The following CACNA1H variants were observed in gnomAD, a reference collection of about 807,000 sequenced individuals.
The protein encoded by CACNA1H is calcium voltage-gated channel subunit alpha1 H.
In CACNA1H, 149 loss-of-function variants were observed where a neutral mutation model predicts 192.5. The observed-to-expected ratio is 0.77, with a 90% CI of 0.68 to 0.89. The LOEUF is 0.89. Ranked by LOEUF, CACNA1H falls within the 40% of genes least tolerant of loss-of-function variation. The pLI is 0.00. For missense variants in CACNA1H, 4,257 were observed against 3,423.5 expected, an observed-to-expected ratio of 1.24 and a Z score of -6.08; for synonymous variants, 2,202 against 1,475.2, an observed-to-expected ratio of 1.49 and a Z score of -11.29.
Position 1,210,354 on chromosome 16 carries a change from GCCCCCGCCCA to G in CACNA1H, c.3846-12_3846-3del. The G allele has an allele frequency of 6.5e-6, 1 of 153,640 alleles. No individual in the cohort carries two copies. The highest frequency in any genetic ancestry group is 1.1e-5 in the Non-Finnish European group (1 of 89,578). The allele number at this position is 153,640 out of a possible 1,614,324, so 9.5% of individuals were successfully genotyped here. ...CGCCGCCCCGCCCCACCTCTCACCC[GCCCCCGCCCA>G]CCCAGGTTCCGCGTCTCCTGCCAGA... On this transcript the variant is annotated splice_polypyrimidine_tract_variant and splice_region_variant and intron_variant, in intron 18 of 34. Coordinates refer to ENST00000348261, the MANE Select transcript of CACNA1H (RefSeq NM_021098.3).
chr16:1,155,264 C>T (rs909553145), intron 2 of CACNA1H, among the ~76,000 whole-genome samples: 8 of 152,204 alleles, frequency 5.3e-5, no homozygotes, highest in South Asian at 2.1e-4. Context: ...AGGGCTGCCT[C>T]GGAGCCCCAC....
At chr16:1,186,212 G>A (rs572351971) in intron 2 of CACNA1H, among the ~76,000 whole-genome samples, 2 of 152,038 alleles carry the variant, frequency 1.3e-5, no homozygotes, top group South Asian at 2.1e-4. Flanking sequence ...TACCGTGCTG[G>A]TCCTCCCAGG....
Position 1,204,124 on chromosome 16 carries a change from C to T in CACNA1H, c.2117C>T (p.Ala706Val), listed in dbSNP as rs1182050304. The change falls in exon 10 of 35, where the codon GCC (alanine) becomes GTC (valine). Residue 706 changes from alanine to valine, a missense_variant. By Grantham distance (64) the Ala-to-Val change is moderately conservative. Coordinates refer to ENST00000348261, the MANE Select transcript of CACNA1H (RefSeq NM_021098.3). ...AAGAGCTGCCCGTACTGCACCCGTG[C>T]CCTGGAGGACCCGGAGGGTGAGCTC... The part of the protein sequence containing the change: ...ELKSCPYCTR[A>V]LEDPEGELSG... 5.6e-6 allele frequency: 9 copies of T among 1,612,152 alleles called. No homozygotes were observed. Among genetic ancestry groups the T allele is most frequent in the East Asian group, 4.5e-5 (2 of 44,888 alleles).
At position 1,220,105 on chromosome 16, in the gene CACNA1H, C is replaced by T. The variant is rs1970363712; in HGVS notation, c.6173C>T (p.Pro2058Leu). 4 of 1,487,670 alleles carry T rather than the reference C, an allele frequency of 2.7e-6. No homozygotes were observed. Among genetic ancestry groups the T allele is most frequent in the Middle Eastern group, 1.8e-4 (1 of 5,630 alleles). 92.2% of individuals were successfully genotyped at this position (1,487,670 alleles called of 1,614,324 possible). A position where few individuals can be genotyped will look rare whatever the true frequency, so the allele number is the denominator to read the frequency against. Residue 2058 changes from proline to leucine, a missense_variant, in exon 35 of 35, where the codon CCA (proline) becomes CTA (leucine). Transcript: ENST00000348261. ...PVTQGGSLQS[P>L]PRSPRPASVR... is the part of the protein sequence containing the mutation. ...ACCCAGGGGGGCTCCCTGCAGTCCC[C>T]ACCACGCTCCCCACGGCCCGCCAGC...
intron 2 of CACNA1H, among the ~76,000 whole-genome samples, chr16:1,194,080 G>T (rs1042589663): frequency 1.3e-5 from 2 of 152,082 alleles, no homozygotes; most frequent in African/African-American, 4.8e-5. Context: ...AGCCGTGGGC[G>T]CTGAGGCCTG....
In CACNA1H at chr16:1,220,436, G is replaced by T; in HGVS notation, c.6504G>T (p.Ala2168=). ...TGGGCAGCGGGGAGCCTGGGGAGGC[G>T]AAGGCCTGGGGCCCTGAGGCCGAGC... The part of the protein sequence containing the change: ...AELGSGEPGE[A]KAWGPEAEPA... The change falls in exon 35 of 35, where the codon GCG becomes GCT. Residue 2168 remains alanine, a synonymous_variant. Coordinates refer to ENST00000348261, the MANE Select transcript of CACNA1H (RefSeq NM_021098.3). 1 of 1,536,538 alleles carries T rather than the reference G, an allele frequency of 6.5e-7. No individual in the cohort carries two copies. Among genetic ancestry groups the T allele is most frequent in the Non-Finnish European group, 8.7e-7 (1 of 1,150,390 alleles).
intron 2 of CACNA1H, among the ~76,000 whole-genome samples, chr16:1,155,894 C>T (rs763178354): frequency 2.0e-5 from 3 of 152,090 alleles, no homozygotes; most frequent in East Asian, 1.9e-4. Context: ...CGCTGTCCCC[C>T]GGTGTCCTGA....
At chr16:1,216,844 TG>T in intron 30 of CACNA1H, 87 bp from the exon 31 acceptor site, 1 of 1,050,778 alleles carries the variant, frequency 9.5e-7, no homozygotes. Flanking sequence ...AGGTGGGGTC[TG>T]GTGGCCGAGG....
chr16:1,185,502 C>A (rs953645962), intron 2 of CACNA1H, among the ~76,000 whole-genome samples: 5 of 129,978 alleles, frequency 3.8e-5, no homozygotes, highest in Non-Finnish European at 8.2e-5. Flanking sequence ...TCTGCAGAGT[C>A]CCCCCCCCCG....
In CACNA1H at chr16:1,153,375, TGGGGGCCGGGGCCG is replaced by T. The variant is rs1961828603; in HGVS notation, c.-110_-97del. 3.7e-5 allele frequency: 4 copies of T among 106,966 alleles called. No homozygotes were observed. Among genetic ancestry groups the T allele is most frequent in the Non-Finnish European group, 8.7e-5 (4 of 46,160 alleles). 6.6% of individuals were successfully genotyped at this position (106,966 alleles called of 1,614,324 possible). On this transcript the variant is annotated 5_prime_UTR_variant, in exon 1 of 35. Coordinates refer to ENST00000348261, the MANE Select transcript of CACNA1H (RefSeq NM_021098.3). ...GGGCCGGGGCCGGGGGCGGAGGCGC[TGGGGGCCGGGGCCG>T]GGGCCGGGCGCCGAGCGGGGTCCGC...
At chr16:1,203,315 G>A (rs953500846) in intron 9 of CACNA1H, among the ~76,000 whole-genome samples, 1 of 152,178 alleles carries the variant, frequency 6.6e-6, no homozygotes, top group African/African-American at 2.4e-5. Context: ...GAGTAACCAT[G>A]GTTTGCTCGC....
intron 2 of CACNA1H, among the ~76,000 whole-genome samples, chr16:1,192,013 C>T (rs905044499): frequency 5.3e-5 from 8 of 152,262 alleles, no homozygotes; most frequent in Non-Finnish European, 1.0e-4. Context: ...CTGCAGCTGG[C>T]GTGCCTGCAG....
intron 2 of CACNA1H, among the ~76,000 whole-genome samples, chr16:1,162,927 C>T (rs1017481935): frequency 3.3e-5 from 5 of 152,232 alleles, no homozygotes; most frequent in African/African-American, 9.6e-5. Context: ...CCTCTTCTCA[C>T]GGCCACTCCA....
chr16:1,178,144 A>C (rs1396363869), intron 2 of CACNA1H, among the ~76,000 whole-genome samples: 11 of 23,976 alleles, frequency 4.6e-4, no homozygotes, highest in Admixed American at 1.1e-3. Flanking sequence ...TCACTCCCCC[A>C]CCCCGGAAAC....
intron 10 of CACNA1H, among the ~76,000 whole-genome samples, chr16:1,204,781 G>T (rs1313810985): frequency 1.5e-5 from 2 of 136,380 alleles, no homozygotes; most frequent in Non-Finnish European, 3.3e-5. Flanking sequence ...GGGAGCCGTG[G>T]GTGGGGCCCC....
At chr16:1,173,552 C>T (rs553320873) in intron 2 of CACNA1H, among the ~76,000 whole-genome samples, 1 of 152,306 alleles carries the variant, frequency 6.6e-6, no homozygotes, top group South Asian at 2.1e-4. Context: ...TGTGTGTTAA[C>T]ATAACACGTC....
chr16:1,162,912 G>A, intron 2 of CACNA1H, among the ~76,000 whole-genome samples: 1 of 152,214 alleles, frequency 6.6e-6, no homozygotes, highest in East Asian at 1.9e-4. Context: ...CAGGTCCCTG[G>A]AACGCCTCTT....
At position 1,218,371 on chromosome 16, in the gene CACNA1H, G is replaced by A. The variant is rs1467542653; in HGVS notation, c.5607G>A (p.Glu1869=). The A allele has an allele frequency of 2.6e-6, 4 of 1,562,020 alleles. No homozygotes were observed. The highest frequency in any genetic ancestry group is 3.5e-6 in the Non-Finnish European group (4 of 1,154,136). The part of the protein sequence containing the change: ...LMKHLEESNK[E]AREDAELDAE... Reference sequence around the variant, plus strand: ...AGCACCTGGAGGAGAGCAACAAGGAGGCACGGGAGGATGCGGAGCTGGACG... The same window carrying A: ...AGCACCTGGAGGAGAGCAACAAGGAAGCACGGGAGGATGCGGAGCTGGACG... Residue 1869 remains glutamate, a synonymous_variant, in exon 33 of 35, where the codon GAG becomes GAA. Transcript: ENST00000348261.
intron 5 of CACNA1H, among the ~76,000 whole-genome samples, chr16:1,196,924 T>G (rs149894514): frequency 2.5e-3 from 374 of 152,200 alleles, no homozygotes; most frequent in African/African-American, 8.7e-3. Flanking sequence ...GCATACTGCG[T>G]GTAGATGTGG....
Sources: allele counts gnomAD v4.1 joint callset (sites outside exome capture counted in the v4.1 genomes callset), GRCh38; gene constraint gnomAD v4.1.1; transcripts MANE v1.5; gene names NCBI Gene and HGNC (gene_info 2026-07-23, HGNC 2026-07-21).